Variants in PIK3CB observed in about 807,000 individuals in gnomAD.
The protein encoded by PIK3CB is phosphatidylinositol-4,5-bisphosphate 3-kinase catalytic subunit beta, also known as phosphatidylinositol 4,5-bisphosphate 3-kinase catalytic subunit beta isoform.
A neutral mutation model predicts 136.8 loss-of-function variants in PIK3CB; 39 were observed. The ratio of observed to expected loss-of-function variants is 0.29; its 90% CI spans 0.22 to 0.37. The LOEUF is 0.37. Among genes scored for constraint, PIK3CB ranks in the 10% least tolerant of loss-of-function variants. PIK3CB has a pLI of 1.00. For synonymous variants in PIK3CB, 428 were observed against 436.6 expected (o/e 0.98, Z 0.25); for missense variants, 868 against 1,275.4 (o/e 0.68, Z 4.87).
chr3:138,729,793 A>C (rs148546212), intron 8 of PIK3CB, among the ~76,000 whole-genome samples: 10 of 152,256 alleles, frequency 6.6e-5, no homozygotes, highest in Middle Eastern at 3.4e-3. Flanking sequence ...CTTATAATAA[A>C]TCTTCTATAT....
intron 16 of PIK3CB, 64 bp from the exon 17 acceptor site, chr3:138,684,867 C>G: frequency 8.5e-7 from 1 of 1,178,214 alleles, no homozygotes; most frequent in Non-Finnish European, 1.2e-6. Context: ...ATCATGTGAT[C>G]ATATCAATCA....
intron 2 of PIK3CB, among the ~76,000 whole-genome samples, chr3:138,779,206 T>TTCCCGAGTAGTC (rs1225938037): frequency 6.6e-6 from 1 of 151,256 alleles, no homozygotes; most frequent in African/African-American, 2.4e-5. Context: ...CTGCCTCAGC[T>TTCCCGAGTAGTC]TCCCGAGTAG....
At chr3:138,704,368 T>C (rs1212164195) in intron 12 of PIK3CB, 75 bp downstream of exon 12, 3 of 1,001,358 alleles carry the variant, frequency 3.0e-6, no homozygotes, top group Admixed American at 1.7e-5. Flanking sequence ...TGTGAGTTCA[T>C]TACTATGAGG....
chr3:138,656,060 T>A, intron 23 of PIK3CB, 82 bp downstream of exon 23: 3 of 1,412,702 alleles, frequency 2.1e-6, no homozygotes, highest in Non-Finnish European at 3.0e-6. Context: ...TCTACTTCCT[T>A]CAGCCACTTG....
At chr3:138,689,873 T>C (rs1000040377) in intron 15 of PIK3CB, among the ~76,000 whole-genome samples, 2 of 152,210 alleles carry the variant, frequency 1.3e-5, no homozygotes, top group African/African-American at 4.8e-5. Context: ...TAAGGCAATC[T>C]TACCAATTTA....
At chr3:138,666,231 A>G (rs935401263) in intron 19 of PIK3CB, among the ~76,000 whole-genome samples, 19 of 152,048 alleles carry the variant, frequency 1.2e-4, no homozygotes, top group African/African-American at 4.6e-4. Flanking sequence ...GTGCAGTGAC[A>G]CGATCATAGC....
At chr3:138,780,412 A>C (rs2045910888) in intron 2 of PIK3CB, among the ~76,000 whole-genome samples, 1 of 152,064 alleles carries the variant, frequency 6.6e-6, no homozygotes, top group Non-Finnish European at 1.5e-5. Flanking sequence ...CTGGGATTAC[A>C]GGTGTGTACC....
intron 1 of PIK3CB, among the ~76,000 whole-genome samples, chr3:138,824,736 G>A (rs1933705610): frequency 6.6e-6 from 1 of 151,664 alleles, no homozygotes; most frequent in Admixed American, 6.6e-5. Flanking sequence ...CATTCTCGGG[G>A]AGAAGGGGGG....
At chr3:138,811,047 C>T (rs1286483323) in intron 1 of PIK3CB, among the ~76,000 whole-genome samples, 5 of 150,692 alleles carry the variant, frequency 3.3e-5, no homozygotes, top group African/African-American at 4.9e-5. Context: ...GTCAACGTAG[C>T]GAAATTCTGT....
chr3:138,657,679 G>A lies in PIK3CB; in HGVS notation c.2942+11C>T. The stretch of plus-strand genomic sequence containing the variant: ...AGAAGTGTTCAGCCTTGGCACAAGG[G>A]CAGTACTCACCGGCCAAACTTTTCT... On this transcript the variant is annotated intron_variant, in intron 22 of 23. Coordinates refer to ENST00000674063, the MANE Select transcript of PIK3CB (RefSeq NM_006219.3). The A allele has an allele frequency of 6.2e-7, 1 of 1,611,556 alleles. No individual in the cohort carries two copies. Among genetic ancestry groups the A allele is most frequent in the African/African-American group, 1.3e-5 (1 of 74,978 alleles).
intron 15 of PIK3CB, among the ~76,000 whole-genome samples, chr3:138,689,741 A>C (rs906672648): frequency 2.0e-5 from 3 of 152,266 alleles, no homozygotes; most frequent in Non-Finnish European, 4.4e-5. Flanking sequence ...TTCAAAAGCT[A>C]TGATATTCTA....
chr3:138,776,349 A>C (rs2045858227), intron 2 of PIK3CB, among the ~76,000 whole-genome samples: 1 of 152,164 alleles, frequency 6.6e-6, no homozygotes, highest in African/African-American at 2.4e-5. Context: ...AATACTCTCA[A>C]GGGATTAAAA....
intron 13 of PIK3CB, among the ~76,000 whole-genome samples, chr3:138,696,388 C>T (rs1294608896): frequency 1.3e-5 from 2 of 151,732 alleles, no homozygotes; most frequent in Non-Finnish European, 2.9e-5. Flanking sequence ...GATAGGGTCT[C>T]GCTATGTTGC....
rs1027645660 is a variant in PIK3CB at position 138,737,868 on chromosome 3, C to T, written c.640G>A (p.Val214Met). ...ENCQDVFSFQ[V>M]SPNMNPIKVN... ...TTGATAGGATTCATATTAGGAGACA[C>T]TTGAAAGCTAAACACGTCCTGAAGG... is the stretch of plus-strand genomic sequence containing the variant. The change falls in exon 6 of 24, where the codon GTG (valine) becomes ATG (methionine). Residue 214 changes from valine to methionine, a missense_variant. Physicochemically the swap from Val to Met is conservative, Grantham distance 21. Transcript: ENST00000674063. The T allele has an allele frequency of 6.3e-6, 10 of 1,598,854 alleles. No individual in the cohort carries two copies. The South Asian group carries it at 1.1e-4, about 18-fold the overall frequency.
intron 1 of PIK3CB, among the ~76,000 whole-genome samples, chr3:138,833,925 A>C (rs1036434293): frequency 6.6e-6 from 1 of 152,172 alleles, no homozygotes; most frequent in African/African-American, 2.4e-5. Flanking sequence ...AGACTGCAGG[A>C]TTCTAGTAAG....
intron 8 of PIK3CB, among the ~76,000 whole-genome samples, chr3:138,728,696 C>T (rs2044897440): frequency 6.6e-6 from 1 of 151,458 alleles, no homozygotes; most frequent in Non-Finnish European, 1.5e-5. Context: ...AGGAGAATGG[C>T]ATGAACCCGG....
chr3:138,800,809 G>A (rs1209984112), intron 1 of PIK3CB, among the ~76,000 whole-genome samples: 1 of 151,810 alleles, frequency 6.6e-6, no homozygotes, highest in East Asian at 1.9e-4. Context: ...AGTTTTAGTA[G>A]AGATGGGTTT....
In PIK3CB at chr3:138,702,417, C is replaced by T. The variant is rs1576337261; in HGVS notation, c.1581+2026G>A. On this transcript the variant is annotated intron_variant, in intron 12 of 23. Coordinates refer to ENST00000674063, the MANE Select transcript of PIK3CB (RefSeq NM_006219.3). ...TACTTTGTGCCTAATAAAAAACAAA[C>T]AAATTGTAAAGGTATATCAGACCTG... Among the ~76,000 whole-genome samples, 5 of 152,142 alleles carry T rather than the reference C, an allele frequency of 3.3e-5. 1 individual carries two copies. The highest frequency in any genetic ancestry group is 3.3e-4 in the Admixed American group (5 of 15,268).
chr3:138,671,844 G>A (rs2108446107), intron 19 of PIK3CB, among the ~76,000 whole-genome samples: 1 of 152,328 alleles, frequency 6.6e-6, no homozygotes, highest in African/African-American at 2.4e-5. Flanking sequence ...CATTGGCTGG[G>A]GTTGGGTTGT....
Sources: gnomAD v4.1 joint callset for allele counts (sites outside exome capture counted in the v4.1 genomes callset) on GRCh38, gnomAD v4.1.1 for gene constraint, MANE v1.5 for transcripts, NCBI Gene and HGNC (gene_info 2026-07-23, HGNC 2026-07-21) for gene names.